USP34: variants seen among roughly 807,000 people sequenced by gnomAD.
USP34 encodes the protein ubiquitin carboxyl-terminal hydrolase 34.
Under a neutral mutation model 460.3 loss-of-function variants are expected in USP34, and 70 were observed. That is an observed-to-expected ratio of 0.15 (90% CI 0.13 to 0.19). USP34 has a LOEUF of 0.19. USP34 is among the 10% of genes least tolerant of loss of function. USP34 has a pLI of 1.00. For missense variants in USP34, 3,985 were observed against 4,236.2 expected, an observed-to-expected ratio of 0.94 and a Z score of 1.65; for synonymous variants, 1,647 against 1,405.3, an observed-to-expected ratio of 1.17 and a Z score of -3.85.
chr2:61,236,009 T>C lies in USP34; in HGVS notation c.6966+17A>G, dbSNP rs1188674316. 1.9e-6 allele frequency: 3 copies of C among 1,603,214 alleles called. No individual in the cohort carries two copies. The highest frequency in any genetic ancestry group is 2.3e-5 in the South Asian group (2 of 88,480). On this transcript the variant is annotated intron_variant, in intron 56 of 79. Transcript: ENST00000398571. ...AAAACATAAATGACAAAAAAATCCA[T>C]AGTAGAAAACACATACCTTTTCTTT...
Position 61,407,005 on chromosome 2 carries a change from A to G in USP34, c.132-877T>C, listed in dbSNP as rs532957347. Among the ~76,000 whole-genome samples, 4 of 152,230 alleles carry G rather than the reference A, an allele frequency of 2.6e-5. No individual in the cohort carries two copies. In the South Asian group the frequency reaches 8.3e-4, roughly 32 times the overall value. ...AGCCTGGGCAACAAGACCAAAACGC[A>G]GTCTCAAAAAAAAAGTATTACAAAC... On this transcript the variant is annotated intron_variant, in intron 2 of 79. Coordinates refer to ENST00000398571, the MANE Select transcript of USP34 (RefSeq NM_014709.4).
intron 27 of USP34, among the ~76,000 whole-genome samples, chr2:61,311,179 T>C (rs1301083401): frequency 6.6e-6 from 1 of 152,156 alleles, no homozygotes; most frequent in Non-Finnish European, 1.5e-5. Context: ...GTGGGGTCTT[T>C]GGAGAGGCCA....
intron 33 of USP34, among the ~76,000 whole-genome samples, chr2:61,292,255 A>T (rs1294055166): frequency 6.6e-6 from 1 of 152,116 alleles, no homozygotes; most frequent in Non-Finnish European, 1.5e-5. Context: ...AAAAAAAAAT[A>T]AGAAACAAGA....
At chr2:61,461,318 G>T (rs1019753923) in intron 1 of USP34, among the ~76,000 whole-genome samples, 2 of 151,530 alleles carry the variant, frequency 1.3e-5, no homozygotes, top group Non-Finnish European at 2.9e-5. Flanking sequence ...ACTTGAACCT[G>T]GGAGGCAGAG....
At chr2:61,408,001 G>A (rs1248389797) in intron 2 of USP34, among the ~76,000 whole-genome samples, 2 of 152,156 alleles carry the variant, frequency 1.3e-5, no homozygotes, top group Non-Finnish European at 2.9e-5. Flanking sequence ...TGTAATCCCA[G>A]CTACTTGGGA....
intron 43 of USP34, among the ~76,000 whole-genome samples, chr2:61,262,116 A>AAAAAAAAATATAT (rs1553359480): frequency 4.2e-5 from 2 of 47,382 alleles, no homozygotes; most frequent in African/African-American, 1.6e-4. Flanking sequence ...AAAAAAAAAA[A>AAAAAAAAATATAT]ATATATATAT....
chr2:61,192,284 A>T (rs1051830791), intron 76 of USP34, among the ~76,000 whole-genome samples: 1 of 152,248 alleles, frequency 6.6e-6, no homozygotes, highest in African/African-American at 2.4e-5. Context: ...TGCCTGATCC[A>T]AGGAATGAGC....
rs1691906524 is a variant in USP34 at position 61,350,257 on chromosome 2, A to C, written c.1507+3T>G. 2 of 1,597,326 alleles carry C rather than the reference A, an allele frequency of 1.3e-6. No homozygotes were observed. Among genetic ancestry groups the C allele is most frequent in the South Asian group, 2.3e-5 (2 of 87,524 alleles). On this transcript the variant is annotated splice_donor_region_variant and intron_variant, in intron 12 of 79. Transcript: ENST00000398571. ...TTACTTCAAAATACATGACATTACTAACCTTTCTTATTTCCAATGGGAATA... is the reference window on the plus strand; with the variant it reads ...TTACTTCAAAATACATGACATTACTCACCTTTCTTATTTCCAATGGGAATA...
chr2:61,246,170 G>T (rs1055629224), intron 50 of USP34, among the ~76,000 whole-genome samples, 154 bp downstream of exon 50: 5 of 152,160 alleles, frequency 3.3e-5, no homozygotes, highest in African/African-American at 1.2e-4. Flanking sequence ...TTTAAGAACT[G>T]ATTTACACTG....
At chr2:61,198,457 A>G (rs959018117) in intron 75 of USP34, among the ~76,000 whole-genome samples, 8 of 152,174 alleles carry the variant, frequency 5.3e-5, no homozygotes, top group African/African-American at 1.7e-4. Context: ...TGGGAGGCCA[A>G]ATTGCCTCCC....
rs999927583 is a variant in USP34 at position 61,295,406 on chromosome 2, A to G, written c.4255-116T>C. 8 of 1,083,258 alleles carry G rather than the reference A, an allele frequency of 7.4e-6. No individual in the cohort carries two copies. The South Asian group carries it at 7.5e-5, about 10-fold the overall frequency. The allele number at this position is 1,083,258 out of a possible 1,614,324, so 67.1% of individuals were successfully genotyped here. A position where few individuals can be genotyped will look rare whatever the true frequency, so the allele number is the denominator to read the frequency against. ...CAAAATATTATATATACTTTGAAAC[A>G]TATTAAAACATATGAAGACTAGGTA... On this transcript the variant is annotated intron_variant, in intron 30 of 79. Transcript: ENST00000398571.
chr2:61,216,329 G>A lies in USP34; in HGVS notation c.8048-1635C>T, dbSNP rs1171990525. Among the ~76,000 whole-genome samples the A allele has an allele frequency of 7.2e-5, 11 of 152,288 alleles. No individual in the cohort carries two copies. The Middle Eastern group carries it at 0.01, about 141-fold the overall frequency. On this transcript the variant is annotated intron_variant, in intron 67 of 79. Transcript: ENST00000398571. ...AAAAAGCCATTTGGCGGCTGGGTGC[G>A]GTGGCTCATGCCTGTAATCCCAGCA...
chr2:61,235,769 G>C (rs114706375), intron 57 of USP34, 76 bp downstream of exon 57: 24,282 of 1,440,994 alleles, frequency 0.017, 252 homozygotes, highest in Non-Finnish European at 0.02. Context: ...CAACTCTGCT[G>C]TAGCATCTTA....
intron 44 of USP34, among the ~76,000 whole-genome samples, chr2:61,259,493 G>T (rs10169482): frequency 0.42 from 64,132 of 151,012 alleles, 14,250 homozygotes; most frequent in South Asian, 0.7. Flanking sequence ...GCTCAAGCGA[G>T]CCTCCCTTTT....
chr2:61,241,371 T>G (rs1162169047), intron 53 of USP34, among the ~76,000 whole-genome samples, 189 bp downstream of exon 53: 1 of 152,150 alleles, frequency 6.6e-6, no homozygotes, highest in Non-Finnish European at 1.5e-5. Context: ...TATTTTCTAC[T>G]CCATTTAATC....
intron 2 of USP34, among the ~76,000 whole-genome samples, chr2:61,408,990 TGG>T (rs1693961504): frequency 6.6e-6 from 1 of 150,440 alleles, no homozygotes; most frequent in South Asian, 2.1e-4. Flanking sequence ...GAGGCCAAAG[TGG>T]GCAGATGACT....
intron 3 of USP34, among the ~76,000 whole-genome samples, chr2:61,404,966 G>A (rs776801406): frequency 1.3e-5 from 2 of 151,800 alleles, no homozygotes; most frequent in African/African-American, 2.4e-5. Context: ...GGTGGCTCAC[G>A]TCTGTAATCC....
chr2:61,399,361 T>A lies in USP34; in HGVS notation c.553-4128A>T, dbSNP rs1030028719. 2.3e-3 allele frequency among the ~76,000 whole-genome samples: 350 copies of A among 149,310 alleles called. 1 individual carries two copies. The highest frequency in any genetic ancestry group is 8.0e-3 in the African/African-American group (325 of 40,682). ...TCCGTCTCAAAAAAAAAAAAAAAAA[T>A]TGAGTTCTATCCTGGTATGCAGTGT... is the stretch of plus-strand genomic sequence containing the variant. On this transcript the variant is annotated intron_variant, in intron 3 of 79. Transcript: ENST00000398571.
intron 10 of USP34, among the ~76,000 whole-genome samples, chr2:61,363,327 T>C (rs1176866401): frequency 6.6e-6 from 1 of 152,184 alleles, no homozygotes; most frequent in Non-Finnish European, 1.5e-5. Context: ...TAACACAGAA[T>C]TACCATGTGA....
Sources: gnomAD v4.1 joint callset for allele counts (sites outside exome capture counted in the v4.1 genomes callset) on GRCh38, gnomAD v4.1.1 for gene constraint, MANE v1.5 for transcripts, NCBI Gene and HGNC (gene_info 2026-07-23, HGNC 2026-07-21) for gene names.